SLC4A10: variants seen among roughly 807,000 people sequenced by gnomAD.
SLC4A10 encodes sodium-driven chloride bicarbonate exchanger.
In SLC4A10, 42 loss-of-function variants were observed where a neutral mutation model predicts 137.7. That is an observed-to-expected ratio of 0.30 (90% CI 0.24 to 0.39). The LOEUF (loss-of-function observed/expected upper bound fraction) is 0.39. SLC4A10 is among the 10% of genes least tolerant of loss of function. SLC4A10 has a pLI of 1.00. For missense variants in SLC4A10, 925 were observed against 1,355.0 expected (o/e 0.68, Z 4.98); for synonymous variants, 474 against 464.1 (o/e 1.02, Z -0.27).
chr2:161,817,122 C>T (rs997260858), intron 3 of SLC4A10, among the ~76,000 whole-genome samples: 3 of 152,168 alleles, frequency 2.0e-5, no homozygotes, highest in Admixed American at 6.5e-5. Flanking sequence ...CCTATTTCTC[C>T]ACATCCTCTC....
chr2:161,631,069 A>G (rs2033460380), intron 1 of SLC4A10, among the ~76,000 whole-genome samples: 1 of 151,794 alleles, frequency 6.6e-6, no homozygotes, highest in Admixed American at 6.6e-5. Context: ...GATTCCATTT[A>G]TATGAAATGT....
chr2:161,710,748 A>C (rs1190056863), intron 1 of SLC4A10: 2 of 454,002 alleles, frequency 4.4e-6, no homozygotes, highest in African/African-American at 4.0e-5. Context: ...TAAAGGTTTT[A>C]AAGGTAAGCT....
At chr2:161,948,810 G>C (rs1344867821) in intron 17 of SLC4A10, among the ~76,000 whole-genome samples, 5 of 152,042 alleles carry the variant, frequency 3.3e-5, no homozygotes, top group African/African-American at 1.2e-4. Flanking sequence ...GCCAAATTCT[G>C]CCCATGCTAC....
intron 15 of SLC4A10, among the ~76,000 whole-genome samples, chr2:161,926,452 C>T (rs1355168490): frequency 7.1e-6 from 1 of 141,096 alleles, no homozygotes; most frequent in Non-Finnish European, 1.5e-5. Context: ...CTATGTGTGT[C>T]TCTGCACGTG....
At chr2:161,761,099 A>C (rs1241013671) in intron 1 of SLC4A10, among the ~76,000 whole-genome samples, 7 of 152,086 alleles carry the variant, frequency 4.6e-5, no homozygotes, top group Admixed American at 1.3e-4. Flanking sequence ...CAAGACAGAG[A>C]GATTACATAA....
chr2:161,848,922 C>CT (rs1259575991), intron 4 of SLC4A10, among the ~76,000 whole-genome samples: 1 of 151,768 alleles, frequency 6.6e-6, no homozygotes, highest in African/African-American at 2.4e-5. Context: ...AAAATGTGCA[C>CT]TTTTTTCTAA....
rs760507839 is a variant in SLC4A10 at position 161,903,989 on chromosome 2, T to C, written c.1443-15T>C. 34 of 1,551,710 alleles carry C rather than the reference T, an allele frequency of 2.2e-5. No individual in the cohort carries two copies. The South Asian group carries it at 3.4e-4, about 15-fold the overall frequency. On this transcript the variant is annotated splice_polypyrimidine_tract_variant and intron_variant, in intron 12 of 26. Transcript: ENST00000446997. The stretch of plus-strand genomic sequence containing the variant: ...ATATTTGGGTTTCACTATTGTGTTT[T>C]CCCCCCTGTCTTAGGATTTTTGGGG...
chr2:161,819,232 G>A (rs1305648102), intron 3 of SLC4A10, among the ~76,000 whole-genome samples: 4 of 152,066 alleles, frequency 2.6e-5, no homozygotes, highest in Admixed American at 2.0e-4. Flanking sequence ...ACAATGACTG[G>A]TTCAAGCCTA....
intron 1 of SLC4A10, among the ~76,000 whole-genome samples, chr2:161,655,586 G>A (rs1181259520): frequency 6.6e-6 from 1 of 152,116 alleles, no homozygotes; most frequent in African/African-American, 2.4e-5. Context: ...GGCTTCACTG[G>A]TGAATTCTAT....
At chr2:161,767,366 T>G (rs896745737) in intron 1 of SLC4A10, among the ~76,000 whole-genome samples, 2 of 151,130 alleles carry the variant, frequency 1.3e-5, no homozygotes, top group African/African-American at 4.9e-5. Context: ...CTTCTTGTGT[T>G]TTAACACTGC....
rs115765282 is a variant in SLC4A10, at chr2:161,956,564, T to C, written c.2542-425T>C. Among the ~76,000 whole-genome samples the C allele has an allele frequency of 8.7e-3, 1,330 of 152,228 alleles. 15 individuals are homozygous for C. The highest frequency in any genetic ancestry group is 0.03 in the African/African-American group (1,240 of 41,544). ...GTTTTCACACACCCCATTGCACCTA[T>C]TTTTCCTCCTTTACATTTCCTACCT... On this transcript the variant is annotated intron_variant, in intron 19 of 26. Transcript: ENST00000446997.
Position 161,983,308 on chromosome 2 carries a change from G to C in SLC4A10, c.*156G>C. 1 of 1,427,764 alleles carries C rather than the reference G, an allele frequency of 7.0e-7. No individual in the cohort carries two copies. The highest frequency in any genetic ancestry group is 9.5e-7 in the Non-Finnish European group (1 of 1,052,310). The allele number at this position is 1,427,764 out of a possible 1,614,324, so 88.4% of individuals were successfully genotyped here. Reference sequence around the variant, plus strand: ...GAGTGTCACAATTATTAATAAAACTGCTTTGATCATGTATTGTAAATTCTG... The same window carrying C: ...GAGTGTCACAATTATTAATAAAACTCCTTTGATCATGTATTGTAAATTCTG... On this transcript the variant is annotated 3_prime_UTR_variant, in exon 27 of 27. Coordinates refer to ENST00000446997, the MANE Select transcript of SLC4A10 (RefSeq NM_001178015.2).
chr2:161,646,120 T>C (rs2035997394), intron 1 of SLC4A10, among the ~76,000 whole-genome samples: 1 of 152,036 alleles, frequency 6.6e-6, no homozygotes, highest in Non-Finnish European at 1.5e-5. Context: ...TAATAGCTTT[T>C]TTGGGAATGC....
rs1309103769 is a variant in SLC4A10, at chr2:161,926,719, G to A, written c.1998-16073G>A. Among the ~76,000 whole-genome samples, 10 of 148,166 alleles carry A rather than the reference G, an allele frequency of 6.7e-5. No individual in the cohort carries two copies. The East Asian group carries it at 1.9e-3, about 28-fold the overall frequency. On this transcript the variant is annotated intron_variant, in intron 15 of 26. Transcript: ENST00000446997. Reference sequence around the variant, plus strand: ...TACCAGTTGTTCCTCTCCATGTTTAGTGCTTCCTTCAGGAGCTCTTTTAGG... The same window carrying A: ...TACCAGTTGTTCCTCTCCATGTTTAATGCTTCCTTCAGGAGCTCTTTTAGG...
At chr2:161,802,511 A>C (rs1170348140) in intron 2 of SLC4A10, among the ~76,000 whole-genome samples, 1 of 152,114 alleles carries the variant, frequency 6.6e-6, no homozygotes, top group Non-Finnish European at 1.5e-5. Flanking sequence ...AGTGTTATAC[A>C]TTGGATATTT....
At chr2:161,967,544 C>T (rs767521326) in intron 23 of SLC4A10, among the ~76,000 whole-genome samples, 5 of 152,104 alleles carry the variant, frequency 3.3e-5, no homozygotes, top group Non-Finnish European at 5.9e-5. Flanking sequence ...AAGATGTGCT[C>T]CTTACAATTT....
intron 1 of SLC4A10, among the ~76,000 whole-genome samples, chr2:161,636,435 C>T (rs748502106): frequency 1.3e-5 from 2 of 151,964 alleles, no homozygotes; most frequent in Non-Finnish European, 2.9e-5. Context: ...ATTCTTGTTG[C>T]CCGGGCTGGA....
intron 19 of SLC4A10, among the ~76,000 whole-genome samples, chr2:161,952,629 CTA>C (rs1340330629): frequency 6.6e-6 from 1 of 152,172 alleles, no homozygotes; most frequent in East Asian, 1.9e-4. Context: ...ATAAACTCTG[CTA>C]TATGGCCACA....
chr2:161,802,864 C>G (rs75860844), intron 2 of SLC4A10, among the ~76,000 whole-genome samples: 5,002 of 152,086 alleles, frequency 0.033, 230 homozygotes, highest in African/African-American at 0.1. Flanking sequence ...TGGATGGATC[C>G]AGCCCCACTC....
Sources: allele counts gnomAD v4.1 joint callset (sites outside exome capture counted in the v4.1 genomes callset), GRCh38; gene constraint gnomAD v4.1.1; transcripts MANE v1.5; gene names NCBI Gene and HGNC (gene_info 2026-07-23, HGNC 2026-07-21).